The following NKAIN3 variants were observed in gnomAD, a reference collection of about 807,000 sequenced individuals.
NKAIN3 encodes sodium/potassium-transporting ATPase subunit beta-1-interacting protein 3.
NKAIN3 carries 25 observed loss-of-function variants against 30.2 expected under a neutral mutation model. The ratio of observed to expected loss-of-function variants is 0.83; its 90% CI spans 0.60 to 1.16. NKAIN3 has a LOEUF of 1.16. Ranked by LOEUF, NKAIN3 falls within the 50% of genes most tolerant of loss-of-function variation. The pLI, the probability that NKAIN3 is intolerant of heterozygous loss-of-function variation, is 0.00. For synonymous variants in NKAIN3, 91 were observed against 89.6 expected (o/e 1.02, Z -0.09); for missense variants, 225 against 254.1 (o/e 0.89, Z 0.78).
chr8:62,296,975 C>A (rs1239942021), intron 1 of NKAIN3, among the ~76,000 whole-genome samples: 1 of 152,150 alleles, frequency 6.6e-6, no homozygotes, highest in Non-Finnish European at 1.5e-5. Flanking sequence ...ATTGTTCTTT[C>A]CTGAGCCATG....
chr8:62,911,259 G>A (rs1821918551), intron 4 of NKAIN3, among the ~76,000 whole-genome samples: 1 of 152,116 alleles, frequency 6.6e-6, no homozygotes, highest in Non-Finnish European at 1.5e-5. Context: ...AAGTCCCATA[G>A]TACTCAATCA....
intron 3 of NKAIN3, among the ~76,000 whole-genome samples, chr8:62,630,437 A>T (rs756663687): frequency 3.3e-5 from 5 of 152,198 alleles, no homozygotes; most frequent in African/African-American, 4.8e-5. Context: ...GAGAGTCTTC[A>T]TTAAAAGTAG....
At chr8:62,337,611 C>G (rs1322687915) in intron 1 of NKAIN3, among the ~76,000 whole-genome samples, 1 of 150,850 alleles carries the variant, frequency 6.6e-6, no homozygotes, top group Admixed American at 6.6e-5. Flanking sequence ...CAGACACACA[C>G]TCTCACACAC....
rs148930427 is a variant in NKAIN3, at chr8:62,994,086, C to T, written c.533-5145C>T. Among the ~76,000 whole-genome samples the T allele has an allele frequency of 6.1e-3, 924 of 152,246 alleles. 6 individuals carry two copies. Among genetic ancestry groups the T allele is most frequent in the Non-Finnish European group, 1.0e-2 (678 of 68,008 alleles). ...TCACCATGTGTTAACATTAAAGATG[C>T]ACGTACCCTTTGACCCAGAAATTTT... On this transcript the variant is annotated intron_variant, in intron 5 of 5. Transcript: ENST00000519049.
At chr8:62,290,357 C>T (rs1813549658) in intron 1 of NKAIN3, among the ~76,000 whole-genome samples, 1 of 152,144 alleles carries the variant, frequency 6.6e-6, no homozygotes, top group Non-Finnish European at 1.5e-5. Context: ...TTTGCCCATT[C>T]AGTATGATAT....
At chr8:62,518,251 T>C (rs1839876) in intron 1 of NKAIN3, among the ~76,000 whole-genome samples, 116,588 of 152,044 alleles carry the variant, frequency 0.77, 47,033 homozygotes, top group South Asian at 0.91. Context: ...TCCCAGCTAC[T>C]TGGGAGGCTG....
chr8:62,286,947 C>T (rs56799220), intron 1 of NKAIN3, among the ~76,000 whole-genome samples: 9,351 of 151,568 alleles, frequency 0.062, 959 homozygotes, highest in African/African-American at 0.21. Context: ...TCTTTGCAGA[C>T]CTTTGAGGAA....
intron 1 of NKAIN3, among the ~76,000 whole-genome samples, chr8:62,529,294 T>A (rs1251927243): frequency 1.3e-5 from 2 of 152,228 alleles, no homozygotes; most frequent in Admixed American, 1.3e-4. Flanking sequence ...GTCTGTAGTT[T>A]TACTTCAAAT....
intron 1 of NKAIN3, among the ~76,000 whole-genome samples, chr8:62,556,327 A>G (rs1213776319): frequency 2.6e-5 from 4 of 151,832 alleles, no homozygotes; most frequent in Admixed American, 1.3e-4. Context: ...GTAACTAAAA[A>G]CAGTAAATAA....
At chr8:62,443,394 T>C (rs1805389161) in intron 1 of NKAIN3, among the ~76,000 whole-genome samples, 1 of 152,100 alleles carries the variant, frequency 6.6e-6, no homozygotes, top group African/African-American at 2.4e-5. Flanking sequence ...TATTTTATTT[T>C]ATTTTTTGAG....
chr8:62,706,854 G>T (rs1814536671), intron 3 of NKAIN3, among the ~76,000 whole-genome samples: 1 of 151,818 alleles, frequency 6.6e-6, no homozygotes, highest in South Asian at 2.1e-4. Flanking sequence ...TTCCTCCCAA[G>T]TCCCCAAAGT....
At chr8:62,859,386 TCTA>T (rs1820167146) in intron 4 of NKAIN3, among the ~76,000 whole-genome samples, 1 of 151,806 alleles carries the variant, frequency 6.6e-6, no homozygotes, top group Non-Finnish European at 1.5e-5. Flanking sequence ...TCTACTTTAT[TCTA>T]CTTTGACCAC....
At chr8:62,790,884 A>G (rs1189718786) in intron 4 of NKAIN3, among the ~76,000 whole-genome samples, 1 of 152,056 alleles carries the variant, frequency 6.6e-6, no homozygotes, top group East Asian at 1.9e-4. Context: ...ATCTCTGCCT[A>G]GGTGAGTGGT....
chr8:62,347,623 A>G (rs4738955), intron 1 of NKAIN3, among the ~76,000 whole-genome samples: 131,938 of 152,048 alleles, frequency 0.87, 57,855 homozygotes, highest in East Asian at 0.95. Flanking sequence ...GCATAACTAA[A>G]CAAGGATTAA....
chr8:62,479,990 A>G (rs1356762699), intron 1 of NKAIN3, among the ~76,000 whole-genome samples: 2 of 152,186 alleles, frequency 1.3e-5, no homozygotes, highest in Non-Finnish European at 2.9e-5. Flanking sequence ...TTTATTTTGA[A>G]TCAAAGATGT....
chr8:62,777,295 C>T (rs1375707058), intron 4 of NKAIN3, among the ~76,000 whole-genome samples: 1 of 152,150 alleles, frequency 6.6e-6, no homozygotes, highest in Admixed American at 6.5e-5. Context: ...AACCCTATCT[C>T]TCTGTCTACC....
At chr8:62,557,365 T>C (rs187952382) in intron 1 of NKAIN3, among the ~76,000 whole-genome samples, 1 of 152,282 alleles carries the variant, frequency 6.6e-6, no homozygotes, top group East Asian at 1.9e-4. Flanking sequence ...GCTATAAACA[T>C]GCATGTACAA....
At chr8:62,933,734 A>C (rs1822692185) in intron 5 of NKAIN3, among the ~76,000 whole-genome samples, 1 of 152,226 alleles carries the variant, frequency 6.6e-6, no homozygotes, top group Non-Finnish European at 1.5e-5. Context: ...AGCAAAAGCC[A>C]GAAGTACAGT....
At chr8:62,640,149 T>TC (rs1410425431) in intron 3 of NKAIN3, among the ~76,000 whole-genome samples, 4 of 152,154 alleles carry the variant, frequency 2.6e-5, no homozygotes, top group African/African-American at 9.7e-5. Context: ...AGGGCATACT[T>TC]CCGTGACCTG....
Sources: allele counts gnomAD v4.1 joint callset (sites outside exome capture counted in the v4.1 genomes callset), GRCh38; gene constraint gnomAD v4.1.1; transcripts MANE v1.5; gene names NCBI Gene and HGNC (gene_info 2026-07-23, HGNC 2026-07-21).